The following PTPRG variants were observed in gnomAD, a reference collection of about 807,000 sequenced individuals.
PTPRG encodes the protein receptor-type tyrosine-protein phosphatase gamma.
PTPRG carries 102 observed loss-of-function variants against 165.3 expected under a neutral mutation model. The ratio of observed to expected loss-of-function variants is 0.62; its 90% CI spans 0.53 to 0.73. The LOEUF (loss-of-function observed/expected upper bound fraction) is 0.73, where lower values mean the gene tolerates loss of function less well. Among genes scored for constraint, PTPRG ranks in the 30% least tolerant of loss-of-function variants. The probability of loss-of-function intolerance (pLI) is 0.00; values close to 1 mark genes in which losing one functional copy is unlikely to be tolerated. For missense variants in PTPRG, 1,866 were observed against 1,861.4 expected, an observed-to-expected ratio of 1.00 and a Z score of -0.05; for synonymous variants, 675 against 669.5, an observed-to-expected ratio of 1.01 and a Z score of -0.13.
chr3:62,122,995 C>G (rs11721248), intron 5 of PTPRG, among the ~76,000 whole-genome samples: 40,207 of 152,062 alleles, frequency 0.26, 5,475 homozygotes, highest in Middle Eastern at 0.3. Flanking sequence ...ATGACGTATT[C>G]TATTCCGCTA....
intron 4 of PTPRG, among the ~76,000 whole-genome samples, chr3:62,075,667 G>C (rs534836932): frequency 6.6e-6 from 1 of 152,132 alleles, no homozygotes; most frequent in Non-Finnish European, 1.5e-5. Flanking sequence ...AAGAAATGCC[G>C]TTGTATTCTT....
At chr3:62,157,996 A>G (rs561420884) in intron 7 of PTPRG, among the ~76,000 whole-genome samples, 1 of 152,208 alleles carries the variant, frequency 6.6e-6, no homozygotes, top group Admixed American at 6.5e-5. Context: ...GATGAAGCCA[A>G]AAACTAAGCC....
chr3:62,099,324 C>T (rs747120561), intron 5 of PTPRG, among the ~76,000 whole-genome samples: 24 of 152,158 alleles, frequency 1.6e-4, no homozygotes, highest in Non-Finnish European at 3.1e-4. Context: ...TACTAACCGT[C>T]GCTACTTCCT....
intron 1 of PTPRG, among the ~76,000 whole-genome samples, chr3:61,665,894 T>C (rs190268346): frequency 6.6e-6 from 1 of 152,330 alleles, no homozygotes; most frequent in African/African-American, 2.4e-5. Flanking sequence ...GTTGGAATTT[T>C]ATGTATGAAT....
At chr3:61,733,259 C>CT (rs1481631951) in intron 1 of PTPRG, among the ~76,000 whole-genome samples, 16 of 152,148 alleles carry the variant, frequency 1.1e-4, no homozygotes, top group African/African-American at 3.6e-4. Context: ...TGTGAAATAA[C>CT]TAAATCTTCA....
At chr3:62,289,708 C>G (rs368294613) in intron 28 of PTPRG, among the ~76,000 whole-genome samples, 8 of 134,006 alleles carry the variant, frequency 6.0e-5, no homozygotes, top group African/African-American at 1.9e-4. Context: ...TCCCCCCCCC[C>G]CAAAAAAAAC....
intron 4 of PTPRG, among the ~76,000 whole-genome samples, chr3:62,068,844 T>G (rs920912759): frequency 1.3e-5 from 2 of 152,166 alleles, no homozygotes; most frequent in South Asian, 4.1e-4. Context: ...TGAAGATAAT[T>G]CCCTGTTACA....
chr3:61,702,821 ACTTACT>A (rs2031046420), intron 1 of PTPRG, among the ~76,000 whole-genome samples: 1 of 152,220 alleles, frequency 6.6e-6, no homozygotes, highest in Non-Finnish European at 1.5e-5. Flanking sequence ...GTTGTGCGGT[ACTTACT>A]CTTTAGTTAT....
chr3:61,793,554 A>C (rs755377401), intron 2 of PTPRG, among the ~76,000 whole-genome samples: 1 of 152,158 alleles, frequency 6.6e-6, no homozygotes, highest in South Asian at 2.1e-4. Context: ...ATTTGAGTCA[A>C]TTCCTTATTT....
intron 2 of PTPRG, among the ~76,000 whole-genome samples, chr3:61,757,936 TAGAGCAC>T (rs1488798826): frequency 6.6e-6 from 1 of 152,230 alleles, no homozygotes; most frequent in Non-Finnish European, 1.5e-5. Context: ...GTGTTATAAT[TAGAGCAC>T]AGTGATTTGC....
intron 2 of PTPRG, among the ~76,000 whole-genome samples, chr3:61,907,069 G>C (rs897378413): frequency 2.0e-5 from 3 of 151,948 alleles, no homozygotes; most frequent in African/African-American, 7.2e-5. Flanking sequence ...ATTTTTGCAA[G>C]AAGTTGTTAT....
At chr3:61,683,438 T>A (rs929458358) in intron 1 of PTPRG, among the ~76,000 whole-genome samples, 1 of 151,970 alleles carries the variant, frequency 6.6e-6, no homozygotes, top group African/African-American at 2.4e-5. Context: ...GGATGTGTTT[T>A]TTTCCCTTTT....
At chr3:61,838,353 A>C (rs554962112) in intron 2 of PTPRG, among the ~76,000 whole-genome samples, 38 of 152,336 alleles carry the variant, frequency 2.5e-4, no homozygotes, top group African/African-American at 8.7e-4. Flanking sequence ...AAAACTAGAC[A>C]GGTTTATATA....
chr3:61,706,127 A>T (rs1311973065), intron 1 of PTPRG, among the ~76,000 whole-genome samples: 1 of 152,144 alleles, frequency 6.6e-6, no homozygotes, highest in Non-Finnish European at 1.5e-5. Context: ...CCATCTATCG[A>T]CACTTTGCAG....
intron 2 of PTPRG, among the ~76,000 whole-genome samples, chr3:61,793,012 C>G (rs2034934362): frequency 1.3e-5 from 2 of 152,024 alleles, no homozygotes; most frequent in Non-Finnish European, 2.9e-5. Context: ...CAGGCATGAG[C>G]CTGTAAATAG....
chr3:62,009,138 C>A (rs933032383), intron 4 of PTPRG, among the ~76,000 whole-genome samples: 1 of 152,298 alleles, frequency 6.6e-6, no homozygotes. Context: ...GAACAAAATA[C>A]CTTTTTGTCT....
intron 1 of PTPRG, among the ~76,000 whole-genome samples, chr3:61,595,659 C>T (rs1700683993): frequency 6.6e-6 from 1 of 152,206 alleles, no homozygotes. Flanking sequence ...CTTGACACAG[C>T]ATCTGTCAAG....
At chr3:61,610,817 C>T (rs953994371) in intron 1 of PTPRG, among the ~76,000 whole-genome samples, 2 of 133,754 alleles carry the variant, frequency 1.5e-5, no homozygotes, top group African/African-American at 5.4e-5. Flanking sequence ...CTATCTCTCT[C>T]TTTGTTTTTC....
chr3:62,257,833 A>G (rs146150430), intron 16 of PTPRG, among the ~76,000 whole-genome samples: 288 of 152,196 alleles, frequency 1.9e-3, no homozygotes, highest in African/African-American at 6.5e-3. Flanking sequence ...GTGACGCACA[A>G]CTGTGGTCCT....
Sources: allele counts gnomAD v4.1 joint callset (sites outside exome capture counted in the v4.1 genomes callset), GRCh38; gene constraint gnomAD v4.1.1; transcripts MANE v1.5; gene names NCBI Gene and HGNC (gene_info 2026-07-23, HGNC 2026-07-21).